Variants in PDGFRL observed in about 807,000 individuals in gnomAD.
PDGFRL encodes the protein platelet-derived growth factor receptor-like protein.
PDGFRL carries 46 observed loss-of-function variants against 37.2 expected under a neutral mutation model. The ratio of observed to expected loss-of-function variants is 1.24; its 90% CI spans 0.98 to 1.58. The LOEUF (loss-of-function observed/expected upper bound fraction) is 1.58, where lower values mean the gene tolerates loss of function less well. PDGFRL is among the 40% of genes most tolerant of loss of function. The pLI is 0.00. For missense variants in PDGFRL, 692 were observed against 467.6 expected (o/e 1.48, Z -4.43); for synonymous variants, 251 against 184.3 (o/e 1.36, Z -2.93).
chr8:17,617,739 T>C (rs1006564552), intron 2 of PDGFRL, among the ~76,000 whole-genome samples: 1 of 152,252 alleles, frequency 6.6e-6, no homozygotes, highest in African/African-American at 2.4e-5. Flanking sequence ...AGATACAGCA[T>C]GCAGATTGCA....
intron 2 of PDGFRL, among the ~76,000 whole-genome samples, chr8:17,610,326 G>T (rs962753335): frequency 1.3e-5 from 2 of 152,102 alleles, no homozygotes; most frequent in Non-Finnish European, 2.9e-5. Flanking sequence ...TAAGGGTTGG[G>T]CATCCTAATC....
intron 2 of PDGFRL, chr8:17,596,317 A>C: frequency 8.1e-7 from 1 of 1,228,606 alleles, no homozygotes; most frequent in Non-Finnish European, 1.0e-6. Flanking sequence ...GCTCACAGGC[A>C]CATGGGCTGC....
At chr8:17,609,851 C>T (rs1367100675) in intron 2 of PDGFRL, among the ~76,000 whole-genome samples, 1 of 151,940 alleles carries the variant, frequency 6.6e-6, no homozygotes, top group East Asian at 1.9e-4. Context: ...GCCATATTCC[C>T]AAGATCTCTG....
intron 2 of PDGFRL, among the ~76,000 whole-genome samples, chr8:17,613,398 C>A (rs1563519778): frequency 6.6e-6 from 1 of 152,116 alleles, no homozygotes; most frequent in South Asian, 2.1e-4. Flanking sequence ...AGAATGATGA[C>A]CCCAGCAGGT....
intron 2 of PDGFRL, among the ~76,000 whole-genome samples, chr8:17,602,891 TCCTTTCAG>T (rs923385645): frequency 1.3e-5 from 2 of 152,272 alleles, no homozygotes; most frequent in African/African-American, 4.8e-5. Flanking sequence ...ATACCTATGG[TCCTTTCAG>T]CCTTTCAGGC....
intron 5 of PDGFRL, among the ~76,000 whole-genome samples, chr8:17,638,135 A>G (rs1164766914): frequency 6.6e-6 from 1 of 152,022 alleles, no homozygotes; most frequent in Non-Finnish European, 1.5e-5. Flanking sequence ...GTGTGACCTT[A>G]GATTGTCTAT....
At position 17,623,440 on chromosome 8, in the gene PDGFRL, G is replaced by A. The variant is rs184412018; in HGVS notation, c.505+2238G>A. The stretch of plus-strand genomic sequence containing the variant: ...AACCAACTAAGATGAATAAAAGTCT[G>A]TTATTCAAGTCAATGACTGATTCCA... On this transcript the variant is annotated intron_variant, in intron 3 of 5. Transcript: ENST00000251630. Among the ~76,000 whole-genome samples, 116 of 152,330 alleles carry A rather than the reference G, an allele frequency of 7.6e-4. 1 individual carries two copies. The South Asian group carries it at 0.013, about 17-fold the overall frequency.
chr8:17,580,383 G>C (rs1803681566), intron 1 of PDGFRL, among the ~76,000 whole-genome samples: 1 of 152,090 alleles, frequency 6.6e-6, no homozygotes, highest in African/African-American at 2.4e-5. Context: ...GAATTCTAAA[G>C]TTCCTTATTG....
chr8:17,602,554 AC>A (rs1423947630), intron 2 of PDGFRL, among the ~76,000 whole-genome samples: 1 of 152,042 alleles, frequency 6.6e-6, no homozygotes, highest in African/African-American at 2.4e-5. Flanking sequence ...AAAAGCAGAT[AC>A]CCAGAATGAG....
Position 17,642,879 on chromosome 8 carries a change from G to C in PDGFRL, c.*78G>C. On this transcript the variant is annotated 3_prime_UTR_variant, in exon 6 of 6. Transcript: ENST00000251630. ...CAGCTTTGGGGTTCCTTTTATTAGT[G>C]CTTTGCCAGAGGCTGATGTCAAGCA... 1 of 910,944 alleles carries C rather than the reference G, an allele frequency of 1.1e-6. No homozygotes were observed. The highest frequency in any genetic ancestry group is 1.7e-6 in the Non-Finnish European group (1 of 574,288). 56.4% of individuals were successfully genotyped at this position (910,944 alleles called of 1,614,324 possible). A position where few individuals can be genotyped will look rare whatever the true frequency, so the allele number is the denominator to read the frequency against.
chr8:17,629,168 A>G (rs1231474317), intron 4 of PDGFRL, among the ~76,000 whole-genome samples: 2 of 149,498 alleles, frequency 1.3e-5, no homozygotes, highest in Non-Finnish European at 3.0e-5. Context: ...GGGCTTAAAC[A>G]ATCCTTTGAT....
intron 1 of PDGFRL, among the ~76,000 whole-genome samples, chr8:17,586,733 C>A (rs1219392529): frequency 1.3e-5 from 2 of 152,120 alleles, no homozygotes; most frequent in Non-Finnish European, 2.9e-5. Flanking sequence ...CATTTAACTC[C>A]CACAGTAATT....
intron 1 of PDGFRL, 106 bp from the exon 2 acceptor site, chr8:17,589,362 G>A: frequency 2.5e-6 from 2 of 805,062 alleles, no homozygotes; most frequent in Non-Finnish European, 2.0e-6. Context: ...CTCCAACCTG[G>A]GCAATAGAGT....
chr8:17,621,183 C>T lies in PDGFRL; in HGVS notation c.486C>T (p.Ser162=), dbSNP rs1328683890. The T allele has an allele frequency of 1.2e-6, 2 of 1,608,468 alleles. No individual in the cohort carries two copies. Among genetic ancestry groups the T allele is most frequent in the Non-Finnish European group, 1.7e-6 (2 of 1,176,158 alleles). Residue 162 remains serine, a synonymous_variant, in exon 3 of 6, where the codon TCC becomes TCT. Transcript: ENST00000251630. ...GGAAGGACGAGGCCAAAACGGGCTC[C>T]ACCTACATCTTTTTTACAGGTAAAA... The part of the protein sequence containing the change: ...ICRKDEAKTG[S]TYIFFTEKGE...
In PDGFRL at chr8:17,589,656, G is replaced by A. The variant is rs778332338; in HGVS notation, c.244G>A (p.Ala82Thr). 53 of 1,613,074 alleles carry A rather than the reference G, an allele frequency of 3.3e-5. No homozygotes were observed. Among genetic ancestry groups the A allele is most frequent in the Non-Finnish European group, 3.5e-5 (41 of 1,179,220 alleles). ...TAAAGGTCGCTTCCAGAAACCCGCC[G>A]CTACCCTGAGTCTGCTGGCGGGGCA... ...LDKGRFQKPA[A>T]TLSLLAGQTV... The change falls in exon 2 of 6, where the codon GCT becomes ACT. Residue 82 changes from alanine (A) to threonine (T), a missense_variant. Ala to Thr is a moderately conservative substitution (Grantham distance 58). Coordinates refer to ENST00000251630, the MANE Select transcript of PDGFRL (RefSeq NM_001372073.1).
At chr8:17,586,571 C>G (rs1170950143) in intron 1 of PDGFRL, among the ~76,000 whole-genome samples, 2 of 152,148 alleles carry the variant, frequency 1.3e-5, no homozygotes, top group Non-Finnish European at 2.9e-5. Context: ...TACTTGGCAT[C>G]TATACATTAA....
intron 2 of PDGFRL, among the ~76,000 whole-genome samples, chr8:17,605,649 G>C (rs761287100): frequency 2.6e-5 from 4 of 152,210 alleles, no homozygotes; most frequent in Non-Finnish European, 5.9e-5. Context: ...ACAAGGAGAC[G>C]TTGGAGATTT....
intron 1 of PDGFRL, among the ~76,000 whole-genome samples, chr8:17,588,511 TA>T (rs58536582): frequency 0.6 from 88,797 of 149,214 alleles, 28,477 homozygotes; most frequent in East Asian, 0.77. Flanking sequence ...GCCCCATCTT[TA>T]AAAAAAAAAA....
In PDGFRL at chr8:17,577,248, C is replaced by T. The variant is rs1803604589; in HGVS notation, c.-5C>T. 1.9e-6 allele frequency: 3 copies of T among 1,612,580 alleles called. No individual in the cohort carries two copies. The highest frequency in any genetic ancestry group is 2.5e-6 in the Non-Finnish European group (3 of 1,179,476). On this transcript the variant is annotated 5_prime_UTR_variant, in exon 1 of 6. Transcript: ENST00000251630. The stretch of plus-strand genomic sequence containing the variant: ...TCCTGCGCTCCGAGGTCCGAGGTTC[C>T]CGAGATGAAGGTCTGGCTGCTGCTT...
Sources: allele counts gnomAD v4.1 joint callset (sites outside exome capture counted in the v4.1 genomes callset), GRCh38; gene constraint gnomAD v4.1.1; transcripts MANE v1.5; gene names NCBI Gene and HGNC (gene_info 2026-07-23, HGNC 2026-07-21).